Variants in LRRC20 observed in about 807,000 individuals in gnomAD.
LRRC20 encodes leucine rich repeat containing 20.
In LRRC20, 11 loss-of-function variants were observed where a neutral mutation model predicts 14.4. The ratio of observed to expected loss-of-function variants is 0.77; its 90% CI spans 0.48 to 1.27. The LOEUF (loss-of-function observed/expected upper bound fraction) is 1.27. Among genes scored for constraint, LRRC20 ranks in the 50% most tolerant of loss-of-function variants. The pLI is 0.00. For missense variants in LRRC20, 219 were observed against 251.2 expected, an observed-to-expected ratio of 0.87 and a Z score of 0.87; for synonymous variants, 121 against 107.3, an observed-to-expected ratio of 1.13 and a Z score of -0.79.
intron 2 of LRRC20, among the ~76,000 whole-genome samples, chr10:70,373,143 T>C (rs1433347223): frequency 6.6e-6 from 1 of 152,172 alleles, no homozygotes; most frequent in East Asian, 1.9e-4. Context: ...TGTAACCAAA[T>C]TTATTTAAGC....
At chr10:70,336,419 G>C (rs1372886272) in intron 3 of LRRC20, among the ~76,000 whole-genome samples, 1 of 152,200 alleles carries the variant, frequency 6.6e-6, no homozygotes, top group Non-Finnish European at 1.5e-5. Flanking sequence ...TGTCAGATTT[G>C]TAGGAAGTCA....
At chr10:70,379,330 T>C (rs1844621905) in intron 1 of LRRC20, among the ~76,000 whole-genome samples, 1 of 152,144 alleles carries the variant, frequency 6.6e-6, no homozygotes, top group Non-Finnish European at 1.5e-5. Flanking sequence ...CATAGCCATG[T>C]TGCTAGCATC....
rs182910046 is a variant in LRRC20, at chr10:70,301,035, G to A, written c.*319C>T. ...GGCACGTACTGCTTAAAAACCTCCA[G>A]GGAGCCCAAAGGAGGGAAAGGGTCC... On this transcript the variant is annotated 3_prime_UTR_variant, in exon 5 of 5. Transcript: ENST00000446961. The A allele has an allele frequency of 1.8e-6, 2 of 1,117,022 alleles. No individual in the cohort carries two copies. Among genetic ancestry groups the A allele is most frequent in the Non-Finnish European group, 1.1e-6 (1 of 914,610 alleles). The allele number at this position is 1,117,022 out of a possible 1,614,324, so 69.2% of individuals were successfully genotyped here.
chr10:70,303,901 A>G (rs1841306040), intron 4 of LRRC20, among the ~76,000 whole-genome samples: 1 of 152,216 alleles, frequency 6.6e-6, no homozygotes, highest in African/African-American at 2.4e-5. Context: ...GGGGTGACAG[A>G]AGTATTTTGG....
intron 4 of LRRC20, among the ~76,000 whole-genome samples, chr10:70,318,686 T>C (rs1400399547): frequency 1.3e-5 from 2 of 151,574 alleles, no homozygotes; most frequent in African/African-American, 4.9e-5. Flanking sequence ...CCTGGGAAGT[T>C]GAGGTTGCAG....
In LRRC20 at chr10:70,301,201, T is replaced by C; in HGVS notation, c.*153A>G. Reference sequence around the variant, plus strand: ...TCCAGAGCCCACTACTGCTGTAAGCTATCTATCCAGACCAGCTGCACCCCA... The same window carrying C: ...TCCAGAGCCCACTACTGCTGTAAGCCATCTATCCAGACCAGCTGCACCCCA... On this transcript the variant is annotated 3_prime_UTR_variant, in exon 5 of 5. Transcript: ENST00000446961. The C allele has an allele frequency of 1.4e-6, 2 of 1,422,556 alleles. No individual in the cohort carries two copies. Among genetic ancestry groups the C allele is most frequent in the Non-Finnish European group, 1.8e-6 (2 of 1,092,102 alleles). 88.1% of individuals were successfully genotyped at this position (1,422,556 alleles called of 1,614,324 possible). A position where few individuals can be genotyped will look rare whatever the true frequency, so the allele number is the denominator to read the frequency against.
At chr10:70,324,137 G>T (rs1842220047) in intron 3 of LRRC20, 107 bp from the exon 4 acceptor site, 6 of 1,021,932 alleles carry the variant, frequency 5.9e-6, no homozygotes, top group Non-Finnish European at 4.4e-6. Context: ...GGAAGGCACA[G>T]AGGAAGCCCT....
At chr10:70,323,731 T>C in intron 4 of LRRC20, 132 bp downstream of exon 4, 2 of 1,007,782 alleles carry the variant, frequency 2.0e-6, no homozygotes, top group Non-Finnish European at 2.9e-6. Flanking sequence ...CCAGGCCCCA[T>C]GTCCTTTGCT....
chr10:70,368,815 GT>G (rs1344652690), intron 2 of LRRC20, among the ~76,000 whole-genome samples: 1 of 151,632 alleles, frequency 6.6e-6, no homozygotes, highest in Non-Finnish European at 1.5e-5. Flanking sequence ...TAGAGATGGG[GT>G]TTCACCGTGT....
At chr10:70,340,831 G>A (rs1176014841) in intron 2 of LRRC20, 129 bp from the exon 3 acceptor site, 2 of 966,252 alleles carry the variant, frequency 2.1e-6, no homozygotes, top group African/African-American at 1.6e-5. Flanking sequence ...GTCTCCCCAG[G>A]ACCAGGCTTC....
At chr10:70,351,542 T>G (rs890259725) in intron 2 of LRRC20, among the ~76,000 whole-genome samples, 1 of 152,212 alleles carries the variant, frequency 6.6e-6, no homozygotes, top group Non-Finnish European at 1.5e-5. Flanking sequence ...CTCTTCTGCA[T>G]GGCAATCCTT....
chr10:70,330,304 G>T (rs1383503100), intron 3 of LRRC20, among the ~76,000 whole-genome samples: 3 of 151,992 alleles, frequency 2.0e-5, no homozygotes, highest in Admixed American at 6.6e-5. Flanking sequence ...GGTCTCTTCA[G>T]GTTGTCTGTT....
chr10:70,301,015 G>C lies in LRRC20; in HGVS notation c.*339C>G, dbSNP rs1399591041. ...TGATCTGGAGGTAACTTGGAGGCAC[G>C]TACTGCTTAAAAACCTCCAGGGAGC... On this transcript the variant is annotated 3_prime_UTR_variant, in exon 5 of 5. Transcript: ENST00000446961. The C allele has an allele frequency of 9.3e-7, 1 of 1,069,606 alleles. No homozygotes were observed. Among genetic ancestry groups the C allele is most frequent in the Non-Finnish European group, 1.1e-6 (1 of 884,736 alleles). The allele number at this position is 1,069,606 out of a possible 1,614,324, so 66.3% of individuals were successfully genotyped here. A position where few individuals can be genotyped will look rare whatever the true frequency, so the allele number is the denominator to read the frequency against.
chr10:70,304,203 C>T (rs1018651174), intron 4 of LRRC20, among the ~76,000 whole-genome samples: 6 of 151,950 alleles, frequency 3.9e-5, no homozygotes, highest in South Asian at 4.1e-4. Flanking sequence ...GATCCAATTC[C>T]GTGAGCAGCC....
At chr10:70,320,509 A>T (rs1842037251) in intron 4 of LRRC20, among the ~76,000 whole-genome samples, 1 of 152,236 alleles carries the variant, frequency 6.6e-6, no homozygotes, top group Non-Finnish European at 1.5e-5. Flanking sequence ...GGTTCATAGT[A>T]CGCAACTTGA....
Position 70,360,214 on chromosome 10 carries a change from G to A in LRRC20, c.82+16238C>T, listed in dbSNP as rs557142388. The stretch of plus-strand genomic sequence containing the variant: ...CAGGCGTAAGCCACTGCGCCCATCC[G>A]CATTTCTTTTATTTTTGTTTTTACT... On this transcript the variant is annotated intron_variant, in intron 2 of 4. Coordinates refer to ENST00000446961, the MANE Select transcript of LRRC20 (RefSeq NM_001278212.2). Among the ~76,000 whole-genome samples, 5 of 152,042 alleles carry A rather than the reference G, an allele frequency of 3.3e-5. No homozygotes were observed. In the East Asian group the frequency reaches 7.7e-4, roughly 24 times the overall value.
chr10:70,361,081 G>C (rs926306642), intron 2 of LRRC20, among the ~76,000 whole-genome samples: 15 of 151,158 alleles, frequency 9.9e-5, no homozygotes, highest in South Asian at 2.1e-4. Context: ...GAGAGAGAAA[G>C]AGAGAATGAA....
chr10:70,354,717 T>C (rs1023857579), intron 2 of LRRC20, among the ~76,000 whole-genome samples: 1 of 152,112 alleles, frequency 6.6e-6, no homozygotes, highest in African/African-American at 2.4e-5. Flanking sequence ...TCATGGAAAT[T>C]TTTTGTGCCC....
At chr10:70,332,734 C>T (rs1196021955) in intron 3 of LRRC20, among the ~76,000 whole-genome samples, 3 of 152,232 alleles carry the variant, frequency 2.0e-5, no homozygotes, top group Admixed American at 6.5e-5. Flanking sequence ...ACAACAGTAC[C>T]TACCCTTGGT....
Sources: allele counts gnomAD v4.1 joint callset (sites outside exome capture counted in the v4.1 genomes callset), GRCh38; gene constraint gnomAD v4.1.1; transcripts MANE v1.5; gene names NCBI Gene and HGNC (gene_info 2026-07-23, HGNC 2026-07-21).